MLLT6: variants seen among roughly 807,000 people sequenced by gnomAD.
MLLT6 encodes protein AF-17.
MLLT6 carries 22 observed loss-of-function variants against 103.0 expected under a neutral mutation model. The observed-to-expected ratio is 0.21, with a 90% CI of 0.15 to 0.31. MLLT6 has a LOEUF of 0.31. Ranked by LOEUF, MLLT6 falls within the 10% of genes least tolerant of loss-of-function variation. MLLT6 has a pLI of 1.00. For missense variants in MLLT6, 1,199 were observed against 1,441.7 expected, an observed-to-expected ratio of 0.83 and a Z score of 2.73; for synonymous variants, 606 against 623.5, an observed-to-expected ratio of 0.97 and a Z score of 0.42.
intron 3 of MLLT6, 71 bp from the exon 4 acceptor site, chr17:38,707,692 A>T: frequency 8.2e-7 from 1 of 1,220,666 alleles, no homozygotes; most frequent in Non-Finnish European, 1.2e-6. Context: ...AACAGTCTGC[A>T]GCGTGGGGTC....
rs1286667838 is a variant in MLLT6 at position 38,719,778 on chromosome 17, T to C, written c.2038T>C (p.Phe680Leu). The C allele has an allele frequency of 3.7e-6, 6 of 1,613,208 alleles. No individual in the cohort carries two copies. Among genetic ancestry groups the C allele is most frequent in the Non-Finnish European group, 5.1e-6 (6 of 1,179,806 alleles). The change falls in exon 14 of 20, where the codon TTC becomes CTC. Residue 680 changes from phenylalanine to leucine, a missense_variant. By Grantham distance (22) the Phe-to-Leu change is conservative (BLOSUM62 0). Transcript: ENST00000621332. ...CCCCATCAGCAGCCTCCCCGCACTCTTCGACCAGACAGCCTCTGCACCCTG... is the reference window on the plus strand; with the variant it reads ...CCCCATCAGCAGCCTCCCCGCACTCCTCGACCAGACAGCCTCTGCACCCTG... ...MSPISSLPAL[F>L]DQTASAPCGG...
Position 38,725,683 on chromosome 17 carries a change from C to G in MLLT6, c.*85C>G, listed in dbSNP as rs757231322. 9.1e-6 allele frequency: 11 copies of G among 1,211,010 alleles called. No individual in the cohort carries two copies. The highest frequency in any genetic ancestry group is 1.6e-5 in the African/African-American group (1 of 62,452). The allele number at this position is 1,211,010 out of a possible 1,614,324, so 75.0% of individuals were successfully genotyped here. On this transcript the variant is annotated 3_prime_UTR_variant, in exon 20 of 20. Coordinates refer to ENST00000621332, the MANE Select transcript of MLLT6 (RefSeq NM_005937.4). ...TCCTAGCCTGGAGCAGGCGCCTGCG[C>G]CCAGACCCTGGAGAGCCTTGACCCA...
chr17:38,712,269 A>G (rs1218098549), intron 7 of MLLT6, among the ~76,000 whole-genome samples: 1 of 152,122 alleles, frequency 6.6e-6, no homozygotes, highest in Non-Finnish European at 1.5e-5. Flanking sequence ...GGCCCCAGAC[A>G]CATGGCTCTG....
Position 38,728,662 on chromosome 17 carries a change from G to A in MLLT6, c.*3064G>A. On this transcript the variant is annotated 3_prime_UTR_variant, in exon 20 of 20. Coordinates refer to ENST00000621332, the MANE Select transcript of MLLT6 (RefSeq NM_005937.4). ...ATCACAGATGACAGCTCCAAGCCTA[G>A]AAGGGGCTCAGTGACAGGGCCAGGA... 4.3e-6 allele frequency: 1 copy of A among 233,940 alleles called. No homozygotes were observed. The highest frequency in any genetic ancestry group is 6.0e-5 in the East Asian group (1 of 16,596). 14.5% of individuals were successfully genotyped at this position (233,940 alleles called of 1,614,324 possible).
At chr17:38,725,345 A>C (rs1466658715) in intron 19 of MLLT6, 14 of 573,604 alleles carry the variant, frequency 2.4e-5, no homozygotes, top group Non-Finnish European at 4.3e-5. Context: ...CTTAGCTTGC[A>C]CATGCCCACG....
intron 14 of MLLT6, 22 bp downstream of exon 14, chr17:38,719,917 C>T (rs751371551): frequency 4.5e-6 from 7 of 1,552,094 alleles, no homozygotes; most frequent in Admixed American, 2.0e-5. Context: ...TGGCGCCGGT[C>T]GGGACGCCTG....
At position 38,712,632 on chromosome 17, in the gene MLLT6, T is replaced by C. The variant is rs367890520; in HGVS notation, c.721-59T>C. 1.3e-5 allele frequency: 15 copies of C among 1,130,872 alleles called. No homozygotes were observed. In the African/African-American group the frequency reaches 1.7e-4, roughly 13 times the overall value. 70.1% of individuals were successfully genotyped at this position (1,130,872 alleles called of 1,614,324 possible). A position where few individuals can be genotyped will look rare whatever the true frequency, so the allele number is the denominator to read the frequency against. On this transcript the variant is annotated intron_variant, in intron 7 of 19. Coordinates refer to ENST00000621332, the MANE Select transcript of MLLT6 (RefSeq NM_005937.4). ...GTCAGCTCCCCATACCCACATGTCA[T>C]GTTTGTCCTCGCCCAGACAGCCCCC... is the stretch of plus-strand genomic sequence containing the variant.
intron 14 of MLLT6, 72 bp from the exon 15 acceptor site, chr17:38,720,300 G>GCCCCCCCCC: frequency 2.6e-5 from 19 of 726,388 alleles, no homozygotes; most frequent in African/African-American, 3.6e-5. Flanking sequence ...TCCCCTCCAG[G>GCCCCCCCCC]CCCCGCCCCC....
At position 38,717,557 on chromosome 17, in the gene MLLT6, C is replaced by A. The variant is rs373504914; in HGVS notation, c.1777C>A (p.Arg593Ser). ...GACCTCGGCCCTGCCCCGCCTCAGC[C>A]GCTCCCCGTTCACCAGCACCCTCCC... Reference protein sequence around the residue: ...PGTSALPRLSRSPFTSTLPSS... With the variant: ...PGTSALPRLSSSPFTSTLPSS... Residue 593 changes from arginine (R) to serine (S), a missense_variant, in exon 11 of 20, where the codon CGC (arginine) becomes AGC (serine). Arg to Ser is a moderately radical substitution (Grantham distance 110). Transcript: ENST00000621332. 2.5e-6 allele frequency: 4 copies of A among 1,613,952 alleles called. No homozygotes were observed. The highest frequency in any genetic ancestry group is 2.2e-5 in the South Asian group (2 of 91,074).
rs138235263 is a variant in MLLT6 at position 38,728,250 on chromosome 17, G to A, written c.*2652G>A. 2.1e-3 allele frequency: 493 copies of A among 233,340 alleles called. 1 individual carries two copies. The highest frequency in any genetic ancestry group is 3.5e-3 in the Non-Finnish European group (418 of 118,100). 14.5% of individuals were successfully genotyped at this position (233,340 alleles called of 1,614,324 possible). A position where few individuals can be genotyped will look rare whatever the true frequency, so the allele number is the denominator to read the frequency against. ...AGGGAGCTTCAATGGGAAAGGTCTC[G>A]AAAGCTTCAGGAGGAGCAGAATACC... On this transcript the variant is annotated 3_prime_UTR_variant, in exon 20 of 20. Transcript: ENST00000621332.
In MLLT6 at chr17:38,717,419, C is replaced by T. The variant is rs919799524; in HGVS notation, c.1652-13C>T. 2 of 1,575,610 alleles carry T rather than the reference C, an allele frequency of 1.3e-6. No individual in the cohort carries two copies. Among genetic ancestry groups the T allele is most frequent in the African/African-American group, 2.7e-5 (2 of 73,430 alleles). ...GAGTAACCACGTGCTTCCCTCTGTC[C>T]TTGTGCCTGCAGGCATCTACACCAG... On this transcript the variant is annotated splice_polypyrimidine_tract_variant and intron_variant, in intron 10 of 19. Transcript: ENST00000621332.
intron 14 of MLLT6, 41 bp downstream of exon 14, chr17:38,719,936 C>T (rs769227292): frequency 1.3e-6 from 2 of 1,520,154 alleles, no homozygotes; most frequent in Admixed American, 4.2e-5. Context: ...TGCCCTAGGG[C>T]CCTAACAGTC....
At chr17:38,717,108 A>C in intron 10 of MLLT6, 127 bp downstream of exon 10, 1 of 1,366,808 alleles carries the variant, frequency 7.3e-7, no homozygotes, top group Non-Finnish European at 9.8e-7. Flanking sequence ...CGGAGGAGAC[A>C]GTCACCTTCA....
At chr17:38,720,324 CGCCTCCG>C in intron 14 of MLLT6, 41 bp from the exon 15 acceptor site, 8 of 1,020,384 alleles carry the variant, frequency 7.8e-6, no homozygotes, top group Non-Finnish European at 8.6e-6. Context: ...CCCCTGGCCC[CGCCTCCG>C]CCCCCTCGCC....
chr17:38,708,403 G>A lies in MLLT6; in HGVS notation c.354+531G>A, dbSNP rs145339655. 121 of 153,692 alleles carry A rather than the reference G, an allele frequency of 7.9e-4. 1 individual carries two copies. Among genetic ancestry groups the A allele is most frequent in the Admixed American group, 1.4e-3 (22 of 15,404 alleles). The allele number at this position is 153,692 out of a possible 1,614,324, so 9.5% of individuals were successfully genotyped here. A position where few individuals can be genotyped will look rare whatever the true frequency, so the allele number is the denominator to read the frequency against. On this transcript the variant is annotated intron_variant, in intron 4 of 19. Coordinates refer to ENST00000621332, the MANE Select transcript of MLLT6 (RefSeq NM_005937.4). ...AGACATTTAGGCTGAGACCTGGGGCGTGAGAAGGAGCCAGCTTCCAGGAGG... is the reference window on the plus strand; with the variant it reads ...AGACATTTAGGCTGAGACCTGGGGCATGAGAAGGAGCCAGCTTCCAGGAGG...
Position 38,711,986 on chromosome 17 carries a change from C to G in MLLT6, c.692C>G (p.Pro231Arg). The G allele has an allele frequency of 6.3e-7, 1 of 1,599,112 alleles. No homozygotes were observed. The highest frequency in any genetic ancestry group is 2.3e-5 in the East Asian group (1 of 44,308). Residue 231 changes from proline to arginine, a missense_variant, in exon 7 of 20, where the codon CCC becomes CGC. Coordinates refer to ENST00000621332, the MANE Select transcript of MLLT6 (RefSeq NM_005937.4). Reference protein sequence around the residue: ...ASPSTQQEKHPTHHERGQKKS... With the variant: ...ASPSTQQEKHRTHHERGQKKS... ...CCATCCACGCAGCAGGAGAAGCACCCCACCCACCACGAGAGGGGCCAGAAG... is the reference window on the plus strand; with the variant it reads ...CCATCCACGCAGCAGGAGAAGCACCGCACCCACCACGAGAGGGGCCAGAAG...
In MLLT6 at chr17:38,716,729, A is replaced by C. The variant is rs911731019; in HGVS notation, c.1399A>C (p.Lys467Gln). Residue 467 changes from lysine to glutamine, a missense_variant, in exon 10 of 20, where the codon AAG (lysine) becomes CAG (glutamine). Around this residue, in one of 7 missense-constraint regions of MLLT6, gnomAD observed 1,034 missense variants for 1,091.5 expected, o/e 0.95. Transcript: ENST00000621332. This position sits in a 1 kb window ranked among gnomAD's most constrained non-coding sequence, Gnocchi z 5.6. ...ETPETGLKEKKHKASKRSRHG... is the reference protein window; with the variant it reads ...ETPETGLKEKQHKASKRSRHG... ...CCCTGAGACAGGCCTGAAGGAGAAG[A>C]AGCACAAAGCCAGCAAGAGGAGCCG... The C allele has an allele frequency of 6.8e-6, 11 of 1,609,982 alleles. No individual in the cohort carries two copies. The highest frequency in any genetic ancestry group is 2.2e-5 in the South Asian group (2 of 90,576).
chr17:38,724,637 C>T lies in MLLT6; in HGVS notation c.2901C>T (p.Val967=). ...PQLTPEHQTV[V]YQMIQQIQQK... is the part of the protein sequence containing the mutation. ...CCTTGCAGGAACACCAGACTGTTGT[C>T]TACCAGATGATCCAGCAGATCCAGC... Residue 967 remains valine, a synonymous_variant, in exon 19 of 20, where the codon GTC becomes GTT. Transcript: ENST00000621332. This position sits in a 1 kb window ranked among gnomAD's most constrained non-coding sequence, Gnocchi z 5.4. The T allele has an allele frequency of 6.2e-7, 1 of 1,603,644 alleles. No homozygotes were observed. Among genetic ancestry groups the T allele is most frequent in the East Asian group, 2.2e-5 (1 of 44,654 alleles).
Position 38,729,124 on chromosome 17 carries a change from C to G in MLLT6, c.*3526C>G, listed in dbSNP as rs539678255. On this transcript the variant is annotated 3_prime_UTR_variant, in exon 20 of 20. Transcript: ENST00000621332. Reference sequence around the variant, plus strand: ...CCGAGAAAGGGTAACCTCCACGCTTCTCTCTCCCAAATTGGAAATGAAGAC... The same window carrying G: ...CCGAGAAAGGGTAACCTCCACGCTTGTCTCTCCCAAATTGGAAATGAAGAC... 1 of 233,384 alleles carries G rather than the reference C, an allele frequency of 4.3e-6. No individual in the cohort carries two copies. Among genetic ancestry groups the G allele is most frequent in the East Asian group, 6.0e-5 (1 of 16,590 alleles). The allele number at this position is 233,384 out of a possible 1,614,324, so 14.5% of individuals were successfully genotyped here.
Sources: gnomAD v4.1 joint callset for allele counts (sites outside exome capture counted in the v4.1 genomes callset) on GRCh38, gnomAD v4.1.1 for gene constraint, gnomAD v4.1.1 regional missense constraint, Gnocchi (gnomAD v3.1) non-coding constraint, MANE v1.5 for transcripts, NCBI Gene and HGNC (gene_info 2026-07-23, HGNC 2026-07-21) for gene names.